APH1B: variants seen among roughly 807,000 people sequenced by gnomAD.
The protein encoded by APH1B is aph-1B gamma-secretase subunit, also known as gamma-secretase subunit APH-1B.
Under a neutral mutation model 28.2 loss-of-function variants are expected in APH1B, and 27 were observed. The ratio of observed to expected loss-of-function variants is 0.96; its 90% CI spans 0.70 to 1.32. APH1B has a LOEUF of 1.32. APH1B is among the 40% of genes most tolerant of loss of function. APH1B has a pLI of 0.00. For missense variants in APH1B, 305 were observed against 313.6 expected (o/e 0.97, Z 0.21); for synonymous variants, 141 against 124.6 (o/e 1.13, Z -0.88).
intron 4 of APH1B, among the ~76,000 whole-genome samples, chr15:63,300,292 A>G (rs1217390918): frequency 6.6e-6 from 1 of 152,196 alleles, no homozygotes; most frequent in African/African-American, 2.4e-5. Context: ...CGGTTATTTC[A>G]TCAGGGCTGC....
intron 4 of APH1B, among the ~76,000 whole-genome samples, chr15:63,289,775 G>A (rs991211776): frequency 6.6e-6 from 1 of 152,222 alleles, no homozygotes; most frequent in African/African-American, 2.4e-5. Context: ...AGCCAAGGCA[G>A]GAGAATCACT....
chr15:63,301,547 C>A (rs1322011817), intron 4 of APH1B, among the ~76,000 whole-genome samples: 4 of 152,092 alleles, frequency 2.6e-5, no homozygotes, highest in Non-Finnish European at 5.9e-5. Flanking sequence ...GCCTAAGAAG[C>A]ATTGTAGATA....
intron 4 of APH1B, among the ~76,000 whole-genome samples, chr15:63,295,709 C>A (rs756757829): frequency 1.3e-5 from 2 of 152,208 alleles, no homozygotes; most frequent in Non-Finnish European, 2.9e-5. Context: ...CCCAAAATGT[C>A]TACAGACATT....
intron 2 of APH1B, among the ~76,000 whole-genome samples, chr15:63,280,694 A>G (rs952361956): frequency 1.3e-5 from 2 of 152,274 alleles, no homozygotes; most frequent in African/African-American, 4.8e-5. Flanking sequence ...TGGAAATATT[A>G]CATGGGAATA....
rs547639388 is a variant in APH1B at position 63,281,353 on chromosome 15, T to G, written c.284+2022T>G. Among the ~76,000 whole-genome samples, 139 of 152,166 alleles carry G rather than the reference T, an allele frequency of 9.1e-4. 4 individuals carry two copies. The South Asian group carries it at 0.028, about 30-fold the overall frequency. ...TCTTTTTGGTCAGTGGACATGACCCTTTTTGTCAGCGCCTGGTTTTTGCCT... is the reference window on the plus strand; with the variant it reads ...TCTTTTTGGTCAGTGGACATGACCCGTTTTGTCAGCGCCTGGTTTTTGCCT... On this transcript the variant is annotated intron_variant, in intron 2 of 5. Transcript: ENST00000261879.
chr15:63,293,694 C>T (rs116000536), intron 4 of APH1B, among the ~76,000 whole-genome samples: 1,911 of 152,176 alleles, frequency 0.013, 47 homozygotes, highest in African/African-American at 0.044. Context: ...GACAGGGCTT[C>T]GCTATGTTGG....
At chr15:63,302,627 C>T in intron 5 of APH1B, 155 bp downstream of exon 5, 3 of 979,664 alleles carry the variant, frequency 3.1e-6, no homozygotes, top group Non-Finnish European at 4.2e-6. Context: ...TAAGTCTTAC[C>T]ACAAAAAGAC....
intron 1 of APH1B, 63 bp downstream of exon 1, chr15:63,277,799 C>G (rs2038341003): frequency 1.3e-6 from 2 of 1,485,268 alleles, no homozygotes; most frequent in Non-Finnish European, 1.8e-6. Context: ...GGGTTACCCG[C>G]GACCCTCGGC....
chr15:63,300,512 A>G (rs182917634), intron 4 of APH1B, among the ~76,000 whole-genome samples: 218 of 152,310 alleles, frequency 1.4e-3, no homozygotes, highest in Non-Finnish European at 2.6e-3. Flanking sequence ...AAAAACTTTA[A>G]AACTTAAACT....
At chr15:63,303,723 G>T (rs759886891) in intron 5 of APH1B, among the ~76,000 whole-genome samples, 21 of 152,058 alleles carry the variant, frequency 1.4e-4, no homozygotes, top group Admixed American at 3.9e-4. Context: ...GAACTCCTGG[G>T]CTCAAGCGAT....
At chr15:63,287,995 A>G (rs768777331) in intron 4 of APH1B, among the ~76,000 whole-genome samples, 3 of 152,240 alleles carry the variant, frequency 2.0e-5, no homozygotes, top group Non-Finnish European at 2.9e-5. Flanking sequence ...TGATGCAGCT[A>G]AAAGGACCAA....
intron 3 of APH1B, 180 bp from the exon 4 acceptor site, chr15:63,287,244 C>A: frequency 1.4e-6 from 1 of 696,960 alleles, no homozygotes; most frequent in South Asian, 2.4e-5. Context: ...CCTCTTCCCG[C>A]TTCCCTCTCT....
At chr15:63,290,150 A>G (rs915320918) in intron 4 of APH1B, among the ~76,000 whole-genome samples, 30 of 152,238 alleles carry the variant, frequency 2.0e-4, no homozygotes, top group Admixed American at 1.6e-3. Flanking sequence ...AGCCTGTAGT[A>G]TATATCTGTC....
intron 2 of APH1B, among the ~76,000 whole-genome samples, chr15:63,283,229 C>CT (rs1209805217): frequency 2.6e-5 from 4 of 152,120 alleles, no homozygotes; most frequent in Non-Finnish European, 5.9e-5. Context: ...TAGCTAAAAT[C>CT]TTTGATTGAT....
intron 3 of APH1B, 30 bp downstream of exon 3, chr15:63,286,658 G>GA (rs769576011): frequency 6.4e-7 from 1 of 1,558,050 alleles, no homozygotes. Flanking sequence ...TTTCATTAAG[G>GA]AAAAAAATCA....
intron 2 of APH1B, among the ~76,000 whole-genome samples, chr15:63,279,558 A>G (rs79490029): frequency 2.6e-5 from 4 of 152,146 alleles, no homozygotes; most frequent in Non-Finnish European, 4.4e-5. Context: ...TTGAGAATCA[A>G]TCCCAGACAC....
Position 63,306,138 on chromosome 15 carries a change from A to C in APH1B, c.*357A>C, listed in dbSNP as rs2038685752. The C allele has an allele frequency of 5.2e-6, 1 of 193,766 alleles. No individual in the cohort carries two copies. Among genetic ancestry groups the C allele is most frequent in the Non-Finnish European group, 1.1e-5 (1 of 94,318 alleles). 12.0% of individuals were successfully genotyped at this position (193,766 alleles called of 1,614,324 possible). On this transcript the variant is annotated 3_prime_UTR_variant, in exon 6 of 6. Coordinates refer to ENST00000261879, the MANE Select transcript of APH1B (RefSeq NM_031301.4). Reference sequence around the variant, plus strand: ...GTATCCAAATAGGAGCTTCCTGAGAACACCTTAAGTGGATGAGAATCTGGT... The same window carrying C: ...GTATCCAAATAGGAGCTTCCTGAGACCACCTTAAGTGGATGAGAATCTGGT...
At chr15:63,292,036 A>G (rs1423135453) in intron 4 of APH1B, 1 of 152,188 alleles carries the variant, frequency 6.6e-6, no homozygotes, top group Non-Finnish European at 1.5e-5. Context: ...GTAACCCAAT[A>G]CATTTTTTAT....
intron 4 of APH1B, among the ~76,000 whole-genome samples, chr15:63,297,404 C>G (rs1346381759): frequency 6.6e-6 from 1 of 152,156 alleles, no homozygotes; most frequent in Non-Finnish European, 1.5e-5. Context: ...TGGTGCACAC[C>G]TGTAGTCCCA....
Sources: allele counts gnomAD v4.1 joint callset (sites outside exome capture counted in the v4.1 genomes callset), GRCh38; gene constraint gnomAD v4.1.1; transcripts MANE v1.5; gene names NCBI Gene and HGNC (gene_info 2026-07-23, HGNC 2026-07-21).